Variants in CLN6 observed in about 807,000 individuals in gnomAD.
CLN6 encodes the protein ceroid-lipofuscinosis neuronal protein 6.
CLN6 carries 22 observed loss-of-function variants against 33.3 expected under a neutral mutation model. The observed-to-expected ratio is 0.66, with a 90% CI of 0.47 to 0.94. The LOEUF is 0.94. CLN6 is among the 40% of genes least tolerant of loss of function. The probability of loss-of-function intolerance (pLI) is 0.00; values close to 1 mark genes in which losing one functional copy is unlikely to be tolerated. For synonymous variants in CLN6, 201 were observed against 174.6 expected (o/e 1.15, Z -1.19); for missense variants, 387 against 417.1 (o/e 0.93, Z 0.63).
chr15:68,233,445 T>A (rs994168627), upstream of CLN6, among the ~76,000 whole-genome samples: 3 of 152,150 alleles, frequency 2.0e-5, no homozygotes, highest in Admixed American at 1.3e-4. This position sits in a 1 kb window ranked among gnomAD's most constrained non-coding sequence, Gnocchi z 4.3. Context: ...ATTTCATCAT[T>A]CTGCAGCTGC....
intron 1 of CLN6, among the ~76,000 whole-genome samples, chr15:68,229,093 G>A (rs1415800983): frequency 6.6e-6 from 1 of 152,190 alleles, no homozygotes; most frequent in Non-Finnish European, 1.5e-5. Flanking sequence ...AGAACGCGGA[G>A]GTGGCGCCCG....
chr15:68,241,572 T>G lies in CLN6; in HGVS notation c.179+15118A>C, dbSNP rs748978703. On this transcript the variant is annotated intron_variant, in intron 1 of 6. Coordinates refer to the CLN6 transcript ENST00000538696. This position sits in a 1 kb window ranked among gnomAD's most constrained non-coding sequence, Gnocchi z 4.2. ...CCTCAACCCATGGGAAGCATCATGA[T>G]TGCCTGAAGGAAGAAATATCTCTGA... Among the ~76,000 whole-genome samples the G allele has an allele frequency of 6.6e-6, 1 of 151,854 alleles. No individual in the cohort carries two copies. The highest frequency in any genetic ancestry group is 1.5e-5 in the Non-Finnish European group (1 of 67,906).
Position 68,209,583 on chromosome 15 carries a change from T to C in CLN6, c.665+54A>G, listed in dbSNP as rs2093198577. ...TCCATTGGCAAGTGCAGAATTTTGC[T>C]GCCGTGGCTCTCTCAGTGCCCCTGC... is the stretch of plus-strand genomic sequence containing the variant. On this transcript the variant is annotated intron_variant, in intron 6 of 6. Coordinates refer to ENST00000249806, the MANE Select transcript of CLN6 (RefSeq NM_017882.3). This position sits in a 1 kb window ranked among gnomAD's most constrained non-coding sequence, Gnocchi z 4.9. 1 of 1,606,396 alleles carries C rather than the reference T, an allele frequency of 6.2e-7. No homozygotes were observed. The highest frequency in any genetic ancestry group is 1.7e-5 in the Admixed American group (1 of 59,932).
chr15:68,244,705 C>CT (rs901523895), intron 1 of CLN6, among the ~76,000 whole-genome samples: 25 of 152,206 alleles, frequency 1.6e-4, no homozygotes, highest in African/African-American at 5.5e-4. Flanking sequence ...ACTCATAACT[C>CT]TAATATAAAG....
chr15:68,210,232 C>A lies in CLN6; in HGVS notation c.543-473G>T, dbSNP rs1452824451. Among the ~76,000 whole-genome samples the A allele has an allele frequency of 1.3e-5, 2 of 151,908 alleles. No homozygotes were observed. Among genetic ancestry groups the A allele is most frequent in the African/African-American group, 4.8e-5 (2 of 41,316 alleles). ...CCCACCCCCACCTCAGACACCTCAC[C>A]CCAAAATACTACCCTCTCCCCTCTC... On this transcript the variant is annotated intron_variant, in intron 5 of 6. Transcript: ENST00000249806. The surrounding 1 kb of genome is among the most constrained non-coding windows in gnomAD (Gnocchi z 5.6).
Position 68,241,820 on chromosome 15 carries a change from C to G in CLN6, c.179+14870G>C, listed in dbSNP as rs1005016014. ...CTCCCCCATTTGGAACTTCAGTGTT[C>G]CAATTGTTTATTAGAGCCGAGGCAA... On this transcript the variant is annotated intron_variant, in intron 1 of 6. Coordinates refer to the CLN6 transcript ENST00000538696. This position sits in a 1 kb window ranked among gnomAD's most constrained non-coding sequence, Gnocchi z 4.2. Among the ~76,000 whole-genome samples, 2 of 152,062 alleles carry G rather than the reference C, an allele frequency of 1.3e-5. No individual in the cohort carries two copies. The highest frequency in any genetic ancestry group is 2.4e-5 in the African/African-American group (1 of 41,410).
Position 68,228,790 on chromosome 15 carries a change from C to T in CLN6, c.83+712G>A, listed in dbSNP as rs943289829. On this transcript the variant is annotated intron_variant, in intron 1 of 6. Coordinates refer to ENST00000249806, the MANE Select transcript of CLN6 (RefSeq NM_017882.3). The surrounding 1 kb of genome is among the most constrained non-coding windows in gnomAD (Gnocchi z 4.4). Reference sequence around the variant, plus strand: ...TCTCCCACCTTCACCCTGCCTACCCCCTTACTGCCTGGCACAGCGCTGGGC... The same window carrying T: ...TCTCCCACCTTCACCCTGCCTACCCTCTTACTGCCTGGCACAGCGCTGGGC... Among the ~76,000 whole-genome samples the T allele has an allele frequency of 6.6e-6, 1 of 152,280 alleles. No individual in the cohort carries two copies. Among genetic ancestry groups the T allele is most frequent in the South Asian group, 2.1e-4 (1 of 4,818 alleles).
chr15:68,244,955 G>A (rs1330208541), intron 1 of CLN6, among the ~76,000 whole-genome samples: 3 of 149,716 alleles, frequency 2.0e-5, no homozygotes, highest in African/African-American at 5.0e-5. Flanking sequence ...TTGGGACGCT[G>A]AGGCAGGAGA....
At chr15:68,218,783 G>C (rs1330056711) in intron 1 of CLN6, 133 bp from the exon 2 acceptor site, 2 of 678,232 alleles carry the variant, frequency 2.9e-6, no homozygotes, top group African/African-American at 1.8e-5. Flanking sequence ...TCTATGGATA[G>C]GGTTTTGCTG....
chr15:68,218,686 TCTC>T (rs754405242), intron 1 of CLN6, 36 bp from the exon 2 acceptor site: 8 of 1,504,652 alleles, frequency 5.3e-6, no homozygotes, highest in Non-Finnish European at 7.4e-6. Flanking sequence ...TCAGCTCTTC[TCTC>T]CTCCTCCACC....
rs1264476409 is a variant in CLN6, at chr15:68,247,538, A to C, written c.179+9152T>G. ...GAAATAAATTGAAGAGGACACAGCAAAATGGAAAGCTATTCCATGTTCATG... is the reference window on the plus strand; with the variant it reads ...GAAATAAATTGAAGAGGACACAGCACAATGGAAAGCTATTCCATGTTCATG... On this transcript the variant is annotated intron_variant, in intron 1 of 6. Coordinates refer to the CLN6 transcript ENST00000538696. This position sits in a 1 kb window ranked among gnomAD's most constrained non-coding sequence, Gnocchi z 4.2. 6.6e-6 allele frequency among the ~76,000 whole-genome samples: 1 copy of C among 152,196 alleles called. No homozygotes were observed. Among genetic ancestry groups the C allele is most frequent in the Non-Finnish European group, 1.5e-5 (1 of 68,044 alleles).
In CLN6 at chr15:68,241,735, T is replaced by A. The variant is rs958685635; in HGVS notation, c.179+14955A>T. 1.3e-5 allele frequency among the ~76,000 whole-genome samples: 2 copies of A among 152,042 alleles called. No homozygotes were observed. The highest frequency in any genetic ancestry group is 4.8e-5 in the African/African-American group (2 of 41,388). On this transcript the variant is annotated intron_variant, in intron 1 of 6. Transcript: ENST00000538696. This position sits in a 1 kb window ranked among gnomAD's most constrained non-coding sequence, Gnocchi z 4.2. ...CACTGTAGCAGCTGCATTCCACAGG[T>A]CTCCTGGGCACTAATCCCCAGCCAG... is the stretch of plus-strand genomic sequence containing the variant.
At chr15:68,231,916 G>A (rs1300261506), upstream of CLN6, among the ~76,000 whole-genome samples, 1 of 152,174 alleles carries the variant, frequency 6.6e-6, no homozygotes, top group South Asian at 2.1e-4. Context: ...ATGGAAATTT[G>A]GGGGAGGAGG....
rs2093256243 is a variant in CLN6, at chr15:68,227,662, T to TA, written c.83+1839dup. ...CTCCTTAGCAGCCAAAGTGGAGTCG[T>TA]AAGAGCAGAGCCCGTAAGTCAGAAA... On this transcript the variant is annotated intron_variant, in intron 1 of 6. Coordinates refer to ENST00000249806, the MANE Select transcript of CLN6 (RefSeq NM_017882.3). This position sits in a 1 kb window ranked among gnomAD's most constrained non-coding sequence, Gnocchi z 4.1. Among the ~76,000 whole-genome samples, 1 of 152,294 alleles carries TA rather than the reference T, an allele frequency of 6.6e-6. No individual in the cohort carries two copies. The highest frequency in any genetic ancestry group is 6.5e-5 in the Admixed American group (1 of 15,298).
intron 3 of CLN6, 143 bp from the exon 4 acceptor site, chr15:68,212,006 G>GCCAGC: frequency 1.3e-6 from 1 of 776,380 alleles, no homozygotes; most frequent in Non-Finnish European, 2.1e-6. Context: ...CCTTTAGCAG[G>GCCAGC]CCAGCCCAGC....
rs552455257 is a variant in CLN6 at position 68,242,682 on chromosome 15, G to A, written c.179+14008C>T. 6.6e-6 allele frequency among the ~76,000 whole-genome samples: 1 copy of A among 152,162 alleles called. No homozygotes were observed. Among genetic ancestry groups the A allele is most frequent in the Non-Finnish European group, 1.5e-5 (1 of 68,032 alleles). ...ATAAAGACAGTTTTAAAGATTATTG[G>A]TAAAATAAAATGTCTTGAAAGTGTA... On this transcript the variant is annotated intron_variant, in intron 1 of 6. Transcript: ENST00000538696. The surrounding 1 kb of genome is among the most constrained non-coding windows in gnomAD (Gnocchi z 5.0).
intron 1 of CLN6, among the ~76,000 whole-genome samples, chr15:68,224,256 A>G: frequency 9.8e-6 from 1 of 102,008 alleles, no homozygotes; most frequent in East Asian, 3.3e-4. Flanking sequence ...ACAGAGTAAG[A>G]CCTTATTGCA....
chr15:68,211,320 T>G lies in CLN6; in HGVS notation c.487-2A>C. ...GTAGAGCAGCTCAAAGGAGTCGATC[T>G]GAGGGAGGAACGGGCAGGGCAGAGT... On this transcript the variant is annotated splice_acceptor_variant, in intron 4 of 6. Transcript: ENST00000249806. LOFTEE classifies it high-confidence loss of function. The surrounding 1 kb of genome is among the most constrained non-coding windows in gnomAD (Gnocchi z 5.9). The G allele has an allele frequency of 1.9e-6, 3 of 1,613,950 alleles. No homozygotes were observed. Among genetic ancestry groups the G allele is most frequent in the Non-Finnish European group, 2.5e-6 (3 of 1,179,992 alleles).
At chr15:68,229,377 G>A in intron 1 of CLN6, 125 bp downstream of exon 1, 1 of 693,316 alleles carries the variant, frequency 1.4e-6, no homozygotes, top group Non-Finnish European at 2.1e-6. Context: ...CCCGCGCTCC[G>A]CTCCGCCCCG....
Sources: allele counts gnomAD v4.1 joint callset (sites outside exome capture counted in the v4.1 genomes callset), GRCh38; gene constraint gnomAD v4.1.1; non-coding constraint Gnocchi (gnomAD v3.1); transcripts MANE v1.5; gene names NCBI Gene and HGNC (gene_info 2026-07-23, HGNC 2026-07-21).